POU2F1: variants seen among roughly 807,000 people sequenced by gnomAD.
The protein encoded by POU2F1 is POU domain, class 2, transcription factor 1.
In POU2F1, 16 loss-of-function variants were observed where a neutral mutation model predicts 84.9. The observed-to-expected ratio is 0.19, with a 90% CI of 0.13 to 0.29. POU2F1 has a LOEUF of 0.29. Ranked by LOEUF, POU2F1 falls within the 10% of genes least tolerant of loss-of-function variation. The pLI is 1.00. For missense variants in POU2F1, 738 were observed against 942.6 expected, an observed-to-expected ratio of 0.78 and a Z score of 2.84; for synonymous variants, 368 against 368.3, an observed-to-expected ratio of 1.00 and a Z score of 0.01.
At position 167,372,044 on chromosome 1, in the gene POU2F1, T is replaced by A. The variant is rs1312421950; in HGVS notation, c.402+8T>A. ...GGAGGACAGATAACTGGGGTAAGTG[T>A]TCACTGAGAGAATTATAACAAACTT... On this transcript the variant is annotated splice_region_variant and intron_variant, in intron 5 of 15. Coordinates refer to ENST00000367866, the MANE Select transcript of POU2F1 (RefSeq NM_002697.4). 6.2e-7 allele frequency: 1 copy of A among 1,605,956 alleles called. No individual in the cohort carries two copies. The highest frequency in any genetic ancestry group is 1.3e-5 in the African/African-American group (1 of 74,612).
intron 1 of POU2F1, among the ~76,000 whole-genome samples, chr1:167,291,242 G>A (rs1260107800): frequency 2.0e-5 from 3 of 152,146 alleles, no homozygotes; most frequent in Admixed American, 6.5e-5. Context: ...TACAATGAAA[G>A]CATTGGATTG....
chr1:167,413,143 TG>T, intron 15 of POU2F1, 29 bp downstream of exon 15: 1 of 1,540,452 alleles, frequency 6.5e-7, no homozygotes, highest in Non-Finnish European at 8.9e-7. Context: ...CTTAATTTGG[TG>T]GCATGCACGT....
At chr1:167,396,578 T>C in intron 10 of POU2F1, 151 bp downstream of exon 10, 1 of 744,286 alleles carries the variant, frequency 1.3e-6, no homozygotes, top group South Asian at 2.1e-5. Context: ...TAAATTATGG[T>C]GATATAAATC....
intron 1 of POU2F1, among the ~76,000 whole-genome samples, chr1:167,301,265 A>G (rs555434522): frequency 6.6e-6 from 1 of 152,310 alleles, no homozygotes; most frequent in Non-Finnish European, 1.5e-5. Flanking sequence ...TCTTTAGTCA[A>G]AGAATGGTTA....
At chr1:167,322,935 G>A (rs1277573361) in intron 1 of POU2F1, among the ~76,000 whole-genome samples, 1 of 152,206 alleles carries the variant, frequency 6.6e-6, no homozygotes, top group African/African-American at 2.4e-5. Flanking sequence ...TGAGCCAAGT[G>A]TTCCTTGCCG....
intron 1 of POU2F1, among the ~76,000 whole-genome samples, chr1:167,236,318 G>T (rs1302988023): frequency 6.6e-6 from 1 of 151,976 alleles, no homozygotes; most frequent in Non-Finnish European, 1.5e-5. Flanking sequence ...GGCCAGGCAG[G>T]TGTTGAACTC....
At position 167,399,378 on chromosome 1, in the gene POU2F1, A is replaced by C; in HGVS notation, c.1449+13A>C. 5.0e-6 allele frequency: 8 copies of C among 1,599,224 alleles called. No homozygotes were observed. The highest frequency in any genetic ancestry group is 1.3e-5 in the African/African-American group (1 of 74,418). On this transcript the variant is annotated intron_variant, in intron 12 of 15. Coordinates refer to ENST00000367866, the MANE Select transcript of POU2F1 (RefSeq NM_002697.4). ...CCCAACTTCACTGGTAAGAATAAAAAATAGGGAGTGCAAGCTCAAGGGCTA... is the reference window on the plus strand; with the variant it reads ...CCCAACTTCACTGGTAAGAATAAAACATAGGGAGTGCAAGCTCAAGGGCTA...
chr1:167,366,978 C>T (rs1006368987), intron 3 of POU2F1, among the ~76,000 whole-genome samples: 1 of 152,112 alleles, frequency 6.6e-6, no homozygotes, highest in Non-Finnish European at 1.5e-5. Context: ...TCTGCAGGAT[C>T]CTTCTGGATC....
intron 1 of POU2F1, among the ~76,000 whole-genome samples, chr1:167,308,202 A>AACT (rs1655217991): frequency 6.6e-6 from 1 of 151,470 alleles, no homozygotes; most frequent in Non-Finnish European, 1.5e-5. Context: ...GAGTAGCTGG[A>AACT]ACTACAGGTG....
At chr1:167,334,012 C>G (rs981433523) in intron 2 of POU2F1, among the ~76,000 whole-genome samples, 1 of 151,916 alleles carries the variant, frequency 6.6e-6, no homozygotes, top group African/African-American at 2.4e-5. Flanking sequence ...TTTTTTTTCC[C>G]TAAGGGAAGA....
chr1:167,236,253 C>A (rs1649444427), intron 1 of POU2F1, among the ~76,000 whole-genome samples: 1 of 151,912 alleles, frequency 6.6e-6, no homozygotes, highest in South Asian at 2.1e-4. Context: ...CAGGCGCCTG[C>A]CACCATGCCT....
chr1:167,240,130 C>T (rs1174130400), intron 1 of POU2F1, among the ~76,000 whole-genome samples: 1 of 151,978 alleles, frequency 6.6e-6, no homozygotes, highest in Non-Finnish European at 1.5e-5. Context: ...AAAGTATTAG[C>T]CTGTATGGAA....
chr1:167,264,083 G>GT (rs1651771789), intron 1 of POU2F1, among the ~76,000 whole-genome samples: 1 of 152,104 alleles, frequency 6.6e-6, no homozygotes, highest in Non-Finnish European at 1.5e-5. Context: ...GTAAACCAAT[G>GT]TTGCAATTAC....
intron 1 of POU2F1, among the ~76,000 whole-genome samples, chr1:167,316,785 C>T (rs1469777922): frequency 6.6e-6 from 1 of 152,152 alleles, no homozygotes; most frequent in African/African-American, 2.4e-5. Flanking sequence ...TGGGAATAAT[C>T]AAAGCTGCCT....
At chr1:167,277,498 TAAAA>T (rs34080201) in intron 1 of POU2F1, among the ~76,000 whole-genome samples, 1 of 135,596 alleles carries the variant, frequency 7.4e-6, no homozygotes, top group Non-Finnish European at 1.6e-5. Context: ...CCTGGCTAAT[TAAAA>T]AAAAAAAAAA....
chr1:167,361,832 A>T (rs1659371916), intron 2 of POU2F1, among the ~76,000 whole-genome samples: 1 of 151,918 alleles, frequency 6.6e-6, no homozygotes, highest in South Asian at 2.1e-4. Context: ...TTCATTACTG[A>T]TTTCGTTTAA....
chr1:167,316,456 A>T (rs1045144067), intron 1 of POU2F1, among the ~76,000 whole-genome samples: 1 of 152,244 alleles, frequency 6.6e-6, no homozygotes, highest in Non-Finnish European at 1.5e-5. Flanking sequence ...GCTTTTGAAT[A>T]GTTTTTATAG....
intron 1 of POU2F1, among the ~76,000 whole-genome samples, chr1:167,259,404 C>G (rs1651383497): frequency 6.6e-6 from 1 of 152,160 alleles, no homozygotes. Flanking sequence ...TACCGCAATT[C>G]AGTTTCATGA....
chr1:167,408,773 CTG>C (rs945512637), intron 13 of POU2F1, among the ~76,000 whole-genome samples: 5 of 152,178 alleles, frequency 3.3e-5, no homozygotes, highest in East Asian at 1.9e-4. Context: ...GGTTGTATAA[CTG>C]TAAGTTGATT....
Sources: gnomAD v4.1 joint callset for allele counts (sites outside exome capture counted in the v4.1 genomes callset) on GRCh38, gnomAD v4.1.1 for gene constraint, MANE v1.5 for transcripts, NCBI Gene and HGNC (gene_info 2026-07-23, HGNC 2026-07-21) for gene names.